The following NCAM1 variants were observed in gnomAD, a reference collection of about 807,000 sequenced individuals.
The protein encoded by NCAM1 is neural cell adhesion molecule 1.
A neutral mutation model predicts 109.8 loss-of-function variants in NCAM1; 14 were observed. The observed-to-expected ratio is 0.13, with a 90% confidence interval of 0.08 to 0.20. NCAM1 has a LOEUF of 0.20. Among genes scored for constraint, NCAM1 ranks in the 10% least tolerant of loss-of-function variants. The pLI is 1.00. For synonymous variants in NCAM1, 418 were observed against 442.9 expected, an observed-to-expected ratio of 0.94 and a Z score of 0.70; for missense variants, 774 against 1,109.9, an observed-to-expected ratio of 0.70 and a Z score of 4.30.
intron 1 of NCAM1, among the ~76,000 whole-genome samples, chr11:113,128,637 C>G (rs1156492356): frequency 6.6e-6 from 1 of 152,148 alleles, no homozygotes. Flanking sequence ...CTTTAGTCCT[C>G]TTTATTCTTG....
chr11:113,055,939 C>A (rs1196432605), intron 1 of NCAM1, among the ~76,000 whole-genome samples: 1 of 127,442 alleles, frequency 7.8e-6, no homozygotes. Flanking sequence ...TGGAATGAAA[C>A]TAAATGTCCA....
chr11:113,014,792 G>A (rs1265008757), intron 1 of NCAM1, among the ~76,000 whole-genome samples: 1 of 152,214 alleles, frequency 6.6e-6, no homozygotes, highest in African/African-American at 2.4e-5. Flanking sequence ...CAGCTGAGAC[G>A]TTAAGTGAAA....
chr11:113,046,243 C>T (rs1322273718), intron 1 of NCAM1, among the ~76,000 whole-genome samples: 2 of 152,210 alleles, frequency 1.3e-5, no homozygotes, highest in East Asian at 1.9e-4. Flanking sequence ...ATTAATATCA[C>T]CTTGTTTCAC....
In NCAM1 at chr11:113,037,362, G is replaced by A. The variant is rs949607093; in HGVS notation, c.52+75698G>A. On this transcript the variant is annotated intron_variant, in intron 1 of 19. Transcript: ENST00000316851. Reference sequence around the variant, plus strand: ...CCTTTGCTCTTTTCCTGCCCAGGCAGCCTGGGGTCTGTTCCCAGGCTAGTT... The same window carrying A: ...CCTTTGCTCTTTTCCTGCCCAGGCAACCTGGGGTCTGTTCCCAGGCTAGTT... 5.3e-5 allele frequency among the ~76,000 whole-genome samples: 8 copies of A among 152,160 alleles called. 1 individual carries two copies. Among genetic ancestry groups the A allele is most frequent in the Admixed American group, 4.6e-4 (7 of 15,280 alleles).
At chr11:113,168,379 G>C (rs1555105621) in intron 1 of NCAM1, among the ~76,000 whole-genome samples, 1 of 152,146 alleles carries the variant, frequency 6.6e-6, no homozygotes, top group Non-Finnish European at 1.5e-5. Flanking sequence ...TATTCCAAGG[G>C]AGATGCTAGA....
At chr11:113,059,504 A>G (rs1439629514) in intron 1 of NCAM1, among the ~76,000 whole-genome samples, 1 of 152,196 alleles carries the variant, frequency 6.6e-6, no homozygotes, top group African/African-American at 2.4e-5. Flanking sequence ...TGATACCTCC[A>G]TGCTCTTTGG....
intron 1 of NCAM1, among the ~76,000 whole-genome samples, chr11:113,014,407 G>C (rs1463176804): frequency 1.3e-5 from 2 of 152,132 alleles, no homozygotes; most frequent in African/African-American, 2.4e-5. Flanking sequence ...TCTAATGCCA[G>C]GAGAGCCAGC....
intron 1 of NCAM1, among the ~76,000 whole-genome samples, chr11:113,155,288 C>T (rs187126160): frequency 5.3e-5 from 8 of 152,054 alleles, no homozygotes; most frequent in Admixed American, 1.3e-4. Context: ...GAGGCCGAGG[C>T]GGGTGGATCA....
chr11:113,069,771 T>G (rs1938172731), intron 1 of NCAM1, among the ~76,000 whole-genome samples: 1 of 152,204 alleles, frequency 6.6e-6, no homozygotes, highest in African/African-American at 2.4e-5. Flanking sequence ...GACAGTCTAT[T>G]GCTGGCATTA....
At chr11:113,230,676 G>A (rs782551410) in intron 9 of NCAM1, among the ~76,000 whole-genome samples, 15 of 152,176 alleles carry the variant, frequency 9.9e-5, no homozygotes, top group Non-Finnish European at 1.8e-4. Flanking sequence ...ATAACCTCCT[G>A]TCCATCCCTA....
In NCAM1 at chr11:112,962,353, G is replaced by C. The variant is rs7942799; in HGVS notation, c.52+689G>C. Among the ~76,000 whole-genome samples the C allele has an allele frequency of 0.087, 13,264 of 152,112 alleles. 1,191 individuals carry two copies. The highest frequency in any genetic ancestry group is 0.19 in the African/African-American group (7,689 of 41,506). ...CCTACCCTCGGCCGCGAGCACTGAAGGATGGGAGGGTCGAGCGCCGCGTTT... is the reference window on the plus strand; with the variant it reads ...CCTACCCTCGGCCGCGAGCACTGAACGATGGGAGGGTCGAGCGCCGCGTTT... On this transcript the variant is annotated intron_variant, in intron 1 of 19. Transcript: ENST00000316851. This position sits in a 1 kb window ranked among gnomAD's most constrained non-coding sequence, Gnocchi z 5.6.
intron 1 of NCAM1, among the ~76,000 whole-genome samples, chr11:113,028,196 C>T (rs905297282): frequency 6.6e-6 from 1 of 151,956 alleles, no homozygotes; most frequent in African/African-American, 2.4e-5. Context: ...AAAGTTATGA[C>T]CACAAAAAAA....
chr11:113,015,985 T>C (rs1952196972), intron 1 of NCAM1, among the ~76,000 whole-genome samples: 1 of 152,164 alleles, frequency 6.6e-6, no homozygotes. Flanking sequence ...GTGGGCTTTG[T>C]AGGAGAAAAG....
At chr11:113,071,400 G>A (rs1591300708) in intron 1 of NCAM1, among the ~76,000 whole-genome samples, 1 of 151,244 alleles carries the variant, frequency 6.6e-6, no homozygotes, top group East Asian at 2.0e-4. Flanking sequence ...TATTAGTTTG[G>A]AATTTGCCAT....
chr11:113,075,785 A>G (rs1938499453), intron 1 of NCAM1, among the ~76,000 whole-genome samples: 2 of 152,190 alleles, frequency 1.3e-5, no homozygotes, highest in South Asian at 4.1e-4. Context: ...TCTCACACAT[A>G]AAAGGGGAGG....
intron 1 of NCAM1, among the ~76,000 whole-genome samples, chr11:112,968,947 C>T (rs1421519448): frequency 6.6e-5 from 10 of 152,092 alleles, no homozygotes; most frequent in Admixed American, 6.6e-4. Flanking sequence ...TGGAGTTTCA[C>T]GTTATGAAGT....
chr11:113,017,309 T>A (rs1555075413), intron 1 of NCAM1, among the ~76,000 whole-genome samples: 2 of 152,200 alleles, frequency 1.3e-5, no homozygotes, highest in African/African-American at 4.8e-5. Flanking sequence ...GAAATTTAAT[T>A]GTGTTTAGAC....
chr11:113,089,848 TGAAAC>T (rs1939260888), intron 1 of NCAM1, among the ~76,000 whole-genome samples: 1 of 152,196 alleles, frequency 6.6e-6, no homozygotes, highest in African/African-American at 2.4e-5. Context: ...GTTGTTTTGA[TGAAAC>T]AAACCAAAGA....
chr11:113,021,158 G>A (rs1555076240), intron 1 of NCAM1, among the ~76,000 whole-genome samples: 1 of 152,174 alleles, frequency 6.6e-6, no homozygotes, highest in African/African-American at 2.4e-5. Context: ...ACAATTGAGT[G>A]TTTACCACAT....
Sources: gnomAD v4.1 joint callset for allele counts (sites outside exome capture counted in the v4.1 genomes callset) on GRCh38, gnomAD v4.1.1 for gene constraint, Gnocchi (gnomAD v3.1) non-coding constraint, MANE v1.5 for transcripts, NCBI Gene and HGNC (gene_info 2026-07-23, HGNC 2026-07-21) for gene names.